Variants in SLC23A2 observed in about 807,000 individuals in gnomAD.
The protein encoded by SLC23A2 is Na(+)/L-ascorbic acid transporter 2.
Under a neutral mutation model 73.3 loss-of-function variants are expected in SLC23A2, and 36 were observed. The observed-to-expected ratio is 0.49, with a 90% CI of 0.38 to 0.65. SLC23A2 has a LOEUF of 0.65. Among genes scored for constraint, SLC23A2 ranks in the 30% least tolerant of loss-of-function variants. The pLI, the probability that SLC23A2 is intolerant of heterozygous loss-of-function variation, is 0.00. For missense variants in SLC23A2, 507 were observed against 841.6 expected (o/e 0.60, Z 4.92); for synonymous variants, 343 against 327.3 (o/e 1.05, Z -0.52).
chr20:4,981,763 A>G (rs955757659), intron 1 of SLC23A2, among the ~76,000 whole-genome samples: 1 of 149,268 alleles, frequency 6.7e-6, no homozygotes, highest in African/African-American at 2.5e-5. Flanking sequence ...ATGCAGTGGC[A>G]AGATCTCGGC....
intron 15 of SLC23A2, 36 bp downstream of exon 15, chr20:4,861,912 A>C: frequency 6.2e-7 from 1 of 1,607,366 alleles, no homozygotes. Context: ...CTGTGGTTCC[A>C]GCTCCCACTC....
chr20:4,931,535 T>A (rs1932790541), intron 3 of SLC23A2, among the ~76,000 whole-genome samples: 1 of 152,058 alleles, frequency 6.6e-6, no homozygotes, highest in Non-Finnish European at 1.5e-5. Context: ...GGCGAGAGCA[T>A]CACTTGAGCC....
intron 9 of SLC23A2, among the ~76,000 whole-genome samples, chr20:4,876,855 C>T (rs181918989): frequency 2.6e-3 from 398 of 152,292 alleles, no homozygotes; most frequent in African/African-American, 9.1e-3. Context: ...TTGTCATCTT[C>T]CTTGTCCCCA....
chr20:4,889,122 T>C (rs910444488), intron 6 of SLC23A2, among the ~76,000 whole-genome samples: 5 of 152,164 alleles, frequency 3.3e-5, no homozygotes, highest in African/African-American at 9.7e-5. Context: ...AAGAAGACAC[T>C]AATCATGGTC....
intron 12 of SLC23A2, among the ~76,000 whole-genome samples, chr20:4,869,321 A>AAAAC (rs1015013600): frequency 2.1e-5 from 3 of 145,128 alleles, no homozygotes; most frequent in African/African-American, 2.7e-5. Context: ...TTTTAAATTA[A>AAAAC]AAACAAACAA....
At position 4,943,556 on chromosome 20, in the gene SLC23A2, T is replaced by C. The variant is rs528872064; in HGVS notation, c.-154-10840A>G. 4.0e-5 allele frequency among the ~76,000 whole-genome samples: 6 copies of C among 150,872 alleles called. No homozygotes were observed. In the East Asian group the frequency reaches 1.2e-3, roughly 29 times the overall value. On this transcript the variant is annotated intron_variant, in intron 2 of 16. Coordinates refer to ENST00000338244, the MANE Select transcript of SLC23A2 (RefSeq NM_005116.6). Reference sequence around the variant, plus strand: ...CAGGCATGGTGGTATCCGCCTGTAGTCCCAGTTATTTAGGAGACTGAGGTG... The same window carrying C: ...CAGGCATGGTGGTATCCGCCTGTAGCCCCAGTTATTTAGGAGACTGAGGTG...
At chr20:4,943,034 C>T (rs1457731046) in intron 2 of SLC23A2, among the ~76,000 whole-genome samples, 2 of 149,746 alleles carry the variant, frequency 1.3e-5, no homozygotes, top group South Asian at 2.1e-4. Context: ...AGCAACATAG[C>T]GAGACTCTGA....
chr20:4,904,884 C>T (rs1931879522), intron 4 of SLC23A2, among the ~76,000 whole-genome samples: 1 of 152,158 alleles, frequency 6.6e-6, no homozygotes, highest in Non-Finnish European at 1.5e-5. Context: ...CCTGCCAAGG[C>T]AGGTAGATCA....
intron 6 of SLC23A2, among the ~76,000 whole-genome samples, chr20:4,893,344 C>T (rs1931401501): frequency 6.6e-6 from 1 of 152,080 alleles, no homozygotes; most frequent in Non-Finnish European, 1.5e-5. Flanking sequence ...GGATTACAGC[C>T]CTGAACCGCC....
In SLC23A2 at chr20:4,859,274, A is replaced by ATATATACCACG. The variant is rs765122208; in HGVS notation, c.1720+4_1720+14dup. 1 of 1,395,816 alleles carries ATATATACCACG rather than the reference A, an allele frequency of 7.2e-7. No homozygotes were observed. Among genetic ancestry groups the ATATATACCACG allele is most frequent in the Admixed American group, 1.7e-5 (1 of 57,808 alleles). 86.5% of individuals were successfully genotyped at this position (1,395,816 alleles called of 1,614,324 possible). ...AATAAAAAAAAAAAAAGTGTGTTTG[A>ATATATACCACG]TATATACCACGTACCTGGGATGGTG... On this transcript the variant is annotated intron_variant, in intron 16 of 16. Coordinates refer to ENST00000338244, the MANE Select transcript of SLC23A2 (RefSeq NM_005116.6).
chr20:4,990,971 CAAAAAAA>C (rs1198847840), intron 1 of SLC23A2, among the ~76,000 whole-genome samples: 1 of 56,830 alleles, frequency 1.8e-5, no homozygotes, highest in Non-Finnish European at 3.9e-5. Flanking sequence ...AACTCCATCT[CAAAAAAA>C]AAAAAAAAAA....
rs1205120515 is a variant in SLC23A2 at position 4,913,078 on chromosome 20, T to C, written c.109-100A>G. On this transcript the variant is annotated intron_variant, in intron 3 of 16. Coordinates refer to ENST00000338244, the MANE Select transcript of SLC23A2 (RefSeq NM_005116.6). ...CTCCTGGTGAGTGCATGACCAGGCA[T>C]GGTTTTGATGGAGAAACATACTCCA... 1.9e-5 allele frequency: 15 copies of C among 770,442 alleles called. No individual in the cohort carries two copies. The East Asian group carries it at 2.7e-4, about 14-fold the overall frequency. 47.7% of individuals were successfully genotyped at this position (770,442 alleles called of 1,614,324 possible).
chr20:4,988,726 C>A (rs1247949682), intron 1 of SLC23A2, among the ~76,000 whole-genome samples: 3 of 128,554 alleles, frequency 2.3e-5, no homozygotes, highest in Non-Finnish European at 5.0e-5. Context: ...TAGAGAGAGA[C>A]TTCGTCTCAA....
chr20:4,960,407 C>T (rs2087362590), intron 2 of SLC23A2, among the ~76,000 whole-genome samples: 1 of 152,204 alleles, frequency 6.6e-6, no homozygotes, highest in East Asian at 1.9e-4. Context: ...AGTTAGCATA[C>T]TTCACCCCAG....
At chr20:4,889,492 T>C (rs1339390653) in intron 6 of SLC23A2, among the ~76,000 whole-genome samples, 1 of 151,852 alleles carries the variant, frequency 6.6e-6, no homozygotes, top group Non-Finnish European at 1.5e-5. Flanking sequence ...CCTGAAGCTA[T>C]TCTCAGTCTT....
chr20:4,912,790 G>A, intron 4 of SLC23A2, 90 bp downstream of exon 4: 2 of 827,400 alleles, frequency 2.4e-6, no homozygotes, highest in Admixed American at 1.7e-5. Flanking sequence ...ACATGCAAGT[G>A]TCTGAAAGGG....
intron 2 of SLC23A2, among the ~76,000 whole-genome samples, chr20:4,961,880 G>A (rs2122185932): frequency 6.6e-6 from 1 of 152,308 alleles, no homozygotes; most frequent in Admixed American, 6.5e-5. Flanking sequence ...GAAAACTTTT[G>A]GAATTTGTTC....
intron 6 of SLC23A2, among the ~76,000 whole-genome samples, chr20:4,888,191 C>T (rs1007607828): frequency 2.6e-5 from 4 of 152,178 alleles, no homozygotes; most frequent in African/African-American, 9.6e-5. Context: ...GCCAAACCAG[C>T]CAGTGGGCCA....
chr20:4,891,309 T>TTTA, intron 6 of SLC23A2, among the ~76,000 whole-genome samples: 3 of 152,230 alleles, frequency 2.0e-5, no homozygotes, highest in African/African-American at 7.2e-5. Flanking sequence ...GAGGACTCAA[T>TTTA]CAGACTCCCA....
Sources: gnomAD v4.1 joint callset for allele counts (sites outside exome capture counted in the v4.1 genomes callset) on GRCh38, gnomAD v4.1.1 for gene constraint, MANE v1.5 for transcripts, NCBI Gene and HGNC (gene_info 2026-07-23, HGNC 2026-07-21) for gene names.